ANKRD42: variants seen among roughly 807,000 people sequenced by gnomAD.
ANKRD42 encodes ankyrin repeat domain 42, also known as ankyrin repeat domain-containing protein 42.
Under a neutral mutation model 51.5 loss-of-function variants are expected in ANKRD42, and 43 were observed. The observed-to-expected ratio is 0.83, with a 90% CI of 0.65 to 1.08. The LOEUF (loss-of-function observed/expected upper bound fraction) is 1.08, where lower values mean the gene tolerates loss of function less well. Ranked by LOEUF, ANKRD42 falls within the 50% of genes least tolerant of loss-of-function variation. ANKRD42 has a pLI of 0.00. For missense variants in ANKRD42, 608 were observed against 629.3 expected, an observed-to-expected ratio of 0.97 and a Z score of 0.36; for synonymous variants, 203 against 213.0, an observed-to-expected ratio of 0.95 and a Z score of 0.41.
At chr11:83,237,083 G>T (rs561219983) in intron 8 of ANKRD42, among the ~76,000 whole-genome samples, 27 of 152,270 alleles carry the variant, frequency 1.8e-4, no homozygotes, top group African/African-American at 6.3e-4. Flanking sequence ...CTTTCATTCA[G>T]CTTCCCGTAT....
intron 5 of ANKRD42, among the ~76,000 whole-genome samples, chr11:83,220,748 G>A (rs1461860253): frequency 4.0e-5 from 6 of 151,252 alleles, no homozygotes; most frequent in African/African-American, 1.5e-4. Context: ...AGTTTTTTTT[G>A]CCAGACAAAC....
At chr11:83,226,800 TAAACAAAACA>T (rs60569543) in intron 6 of ANKRD42, among the ~76,000 whole-genome samples, 3 of 150,926 alleles carry the variant, frequency 2.0e-5, no homozygotes, top group African/African-American at 4.9e-5. Context: ...ACCCTGCCTC[TAAACAAAACA>T]AAACAAAACA....
At position 83,206,217 on chromosome 11, in the gene ANKRD42, TG is replaced by T. The variant is rs774187406; in HGVS notation, c.330+55del. On this transcript the variant is annotated intron_variant, in intron 3 of 10. Transcript: ENST00000533342. ...TTCAATTACTTTAACATAGTTCTGT[TG>T]GGATATTGCTATTATTCTAATTATT... is the stretch of plus-strand genomic sequence containing the variant. 6 of 1,380,312 alleles carry T rather than the reference TG, an allele frequency of 4.3e-6. No individual in the cohort carries two copies. In the South Asian group the frequency reaches 4.8e-5, roughly 11 times the overall value. 85.5% of individuals were successfully genotyped at this position (1,380,312 alleles called of 1,614,324 possible).
chr11:83,258,158 G>C (rs569919123), downstream of ANKRD42, among the ~76,000 whole-genome samples: 1 of 152,258 alleles, frequency 6.6e-6, no homozygotes, highest in South Asian at 2.1e-4. Flanking sequence ...ACACCATGGA[G>C]CTGACATATT....
intron 2 of ANKRD42, among the ~76,000 whole-genome samples, chr11:83,200,699 AT>A (rs1028248240): frequency 2.6e-5 from 4 of 152,068 alleles, no homozygotes; most frequent in African/African-American, 7.2e-5. Flanking sequence ...AATTAATTTT[AT>A]TTTTTTGTGT....
At chr11:83,237,470 T>A (rs1469495689) in intron 8 of ANKRD42, among the ~76,000 whole-genome samples, 1 of 152,196 alleles carries the variant, frequency 6.6e-6, no homozygotes, top group Non-Finnish European at 1.5e-5. Flanking sequence ...ACACCTTATA[T>A]GTTTGAAGAA....
intron 7 of ANKRD42, among the ~76,000 whole-genome samples, chr11:83,231,607 T>C (rs1398425985): frequency 1.3e-5 from 2 of 152,232 alleles, no homozygotes; most frequent in African/African-American, 4.8e-5. Context: ...TTGTAGGGTA[T>C]TGCTCAAAAC....
Position 83,211,443 on chromosome 11 carries a change from A to C in ANKRD42, c.586+13A>C, listed in dbSNP as rs1429487798. 2 of 1,611,440 alleles carry C rather than the reference A, an allele frequency of 1.2e-6. No homozygotes were observed. The highest frequency in any genetic ancestry group is 3.4e-5 in the Admixed American group (2 of 59,562). On this transcript the variant is annotated intron_variant, in intron 5 of 10. Transcript: ENST00000533342. ...GGAAACCTTCCAGGTATTTTAAATA[A>C]AGCAAATATTTTAGTTTTTCATTGA...
At chr11:83,213,939 G>T (rs1360232016) in intron 5 of ANKRD42, 1 of 152,450 alleles carries the variant, frequency 6.6e-6, no homozygotes, top group Non-Finnish European at 1.5e-5. Context: ...CGCACAGGCT[G>T]GAGTGCAGTG....
At chr11:83,259,060 T>A (rs1863825444), downstream of ANKRD42, 1 of 152,232 alleles carries the variant, frequency 6.6e-6, no homozygotes, top group Non-Finnish European at 1.5e-5. Flanking sequence ...ATTAAATATT[T>A]AAAATATTAA....
At chr11:83,213,242 C>T (rs1862398390) in intron 5 of ANKRD42, 2 of 1,598,792 alleles carry the variant, frequency 1.3e-6, no homozygotes, top group South Asian at 1.1e-5. Context: ...GTTCCTGGTC[C>T]ACAACATCAA....
intron 10 of ANKRD42, among the ~76,000 whole-genome samples, chr11:83,245,844 G>A (rs1235469510): frequency 6.6e-6 from 1 of 152,044 alleles, no homozygotes; most frequent in Non-Finnish European, 1.5e-5. Context: ...TTAAGTATAC[G>A]GTTCAGTAGT....
chr11:83,202,954 A>G (rs1437830396), intron 2 of ANKRD42, among the ~76,000 whole-genome samples: 1 of 151,120 alleles, frequency 6.6e-6, no homozygotes, highest in East Asian at 1.9e-4. Context: ...TGTCTAGCAC[A>G]GTGCCTAGCA....
At chr11:83,260,799 T>C (rs1323447850), downstream of ANKRD42, 2 of 152,222 alleles carry the variant, frequency 1.3e-5, no homozygotes, top group Admixed American at 6.5e-5. Flanking sequence ...CTAATAGATA[T>C]TACTTTGTAA....
intron 1 of ANKRD42, among the ~76,000 whole-genome samples, chr11:83,196,083 C>T (rs902543437): frequency 1.3e-5 from 2 of 152,150 alleles, no homozygotes; most frequent in African/African-American, 4.8e-5. Context: ...ACCTCATGAT[C>T]TGCCCACCTC....
At chr11:83,200,292 A>G (rs1218028624) in intron 2 of ANKRD42, among the ~76,000 whole-genome samples, 2 of 150,514 alleles carry the variant, frequency 1.3e-5, no homozygotes, top group East Asian at 4.0e-4. Context: ...TTCCTACTTT[A>G]CAGTTTCTCC....
At chr11:83,212,238 C>G (rs1006198727) in intron 5 of ANKRD42, among the ~76,000 whole-genome samples, 1 of 152,028 alleles carries the variant, frequency 6.6e-6, no homozygotes, top group African/African-American at 2.4e-5. Flanking sequence ...CCTGCCACCA[C>G]GCCTGGCTAC....
downstream of ANKRD42, chr11:83,262,075 C>T: frequency 1.4e-6 from 1 of 691,908 alleles, no homozygotes; most frequent in Non-Finnish European, 2.4e-6. Context: ...GAAATCCAAC[C>T]AATTTTCTAT....
chr11:83,225,219 C>T (rs1862840498), intron 6 of ANKRD42, among the ~76,000 whole-genome samples, 164 bp downstream of exon 6: 1 of 151,962 alleles, frequency 6.6e-6, no homozygotes, highest in Non-Finnish European at 1.5e-5. Context: ...AAATTTATTA[C>T]ATATCGTTGT....
Sources: gnomAD v4.1 joint callset for allele counts (sites outside exome capture counted in the v4.1 genomes callset) on GRCh38, gnomAD v4.1.1 for gene constraint, MANE v1.5 for transcripts, NCBI Gene and HGNC (gene_info 2026-07-23, HGNC 2026-07-21) for gene names.